Variants in RIPOR1 observed in about 807,000 individuals in gnomAD.
RIPOR1 encodes rho family-interacting cell polarization regulator 1.
In RIPOR1, 58 loss-of-function variants were observed where a neutral mutation model predicts 116.5. The observed-to-expected ratio is 0.50, with a 90% confidence interval of 0.40 to 0.62. The LOEUF (loss-of-function observed/expected upper bound fraction) is 0.62, where lower values mean the gene tolerates loss of function less well. RIPOR1 is among the 20% of genes least tolerant of loss of function. The pLI is 0.00. For synonymous variants in RIPOR1, 605 were observed against 650.0 expected, an observed-to-expected ratio of 0.93 and a Z score of 1.05; for missense variants, 1,372 against 1,586.2, an observed-to-expected ratio of 0.86 and a Z score of 2.29.
In RIPOR1 at chr16:67,544,949, C is replaced by A. The variant is rs760654886; in HGVS notation, c.2870-7C>A. On this transcript the variant is annotated splice_region_variant and splice_polypyrimidine_tract_variant and intron_variant, in intron 16 of 21. Transcript: ENST00000042381. The surrounding 1 kb of genome is among the most constrained non-coding windows in gnomAD (Gnocchi z 5.1). ...TGTTGCTGACGGTTTCCCTCACCCCCTCACAGTGGTGCAGTTCTCGGCCTC... is the reference window on the plus strand; with the variant it reads ...TGTTGCTGACGGTTTCCCTCACCCCATCACAGTGGTGCAGTTCTCGGCCTC... 3 of 1,611,356 alleles carry A rather than the reference C, an allele frequency of 1.9e-6. 1 individual carries two copies. In the South Asian group the frequency reaches 3.3e-5, roughly 18 times the overall value.
At chr16:67,521,805 G>A (rs540227681) in intron 1 of RIPOR1, among the ~76,000 whole-genome samples, 1 of 152,336 alleles carries the variant, frequency 6.6e-6, no homozygotes, top group South Asian at 2.1e-4. Flanking sequence ...CCTGGAGATG[G>A]CCCAATAAGT....
At chr16:67,532,663 A>G (rs567735414) in intron 1 of RIPOR1, among the ~76,000 whole-genome samples, 2 of 152,260 alleles carry the variant, frequency 1.3e-5, no homozygotes, top group Admixed American at 6.5e-5. Context: ...CTGAAGCCCA[A>G]AAGGCTGAAT....
chr16:67,526,589 A>C (rs2050541738), upstream of RIPOR1, among the ~76,000 whole-genome samples: 2 of 152,218 alleles, frequency 1.3e-5, no homozygotes, highest in Non-Finnish European at 2.9e-5. Context: ...CATTCAACAA[A>C]TATTTCTTGA....
rs907315877 is a variant in RIPOR1 at position 67,543,828 on chromosome 16, G to A, written c.2600+359G>A. ...CTTTAAGGAGCTCTCTCAGTGTCTC[G>A]CCGTGCACCCTGGGACCCCAGCACT... is the stretch of plus-strand genomic sequence containing the variant. On this transcript the variant is annotated intron_variant, in intron 14 of 21. Coordinates refer to ENST00000042381, the MANE Select transcript of RIPOR1 (RefSeq NM_024519.4). The surrounding 1 kb of genome is among the most constrained non-coding windows in gnomAD (Gnocchi z 4.7). 7.8e-6 allele frequency: 3 copies of A among 382,822 alleles called. No individual in the cohort carries two copies. The highest frequency in any genetic ancestry group is 2.1e-5 in the African/African-American group (1 of 48,564). 23.7% of individuals were successfully genotyped at this position (382,822 alleles called of 1,614,324 possible).
chr16:67,528,998 C>G, intron 1 of RIPOR1, 84 bp downstream of exon 1: 1 of 167,406 alleles, frequency 6.0e-6, no homozygotes, highest in South Asian at 1.0e-4. Flanking sequence ...CCGGCGCCGC[C>G]CGGTGGGTCC....
chr16:67,534,874 G>A (rs1359581130), intron 1 of RIPOR1, among the ~76,000 whole-genome samples: 3 of 105,580 alleles, frequency 2.8e-5, no homozygotes, highest in African/African-American at 7.5e-5. Flanking sequence ...ACAGACTCCC[G>A]CTCTGTCACC....
upstream of RIPOR1, among the ~76,000 whole-genome samples, chr16:67,524,992 G>A (rs773158246): frequency 5.9e-5 from 9 of 152,306 alleles, no homozygotes; most frequent in Admixed American, 3.3e-4. Context: ...CTCCCCAGCC[G>A]GCCCCAAGGC....
chr16:67,538,511 C>A lies in RIPOR1; in HGVS notation c.65C>A (p.Ser22Tyr). ...AGCGCCCGGGTCAATAGGAGCCAGT[C>A]CTTCGCAGGCGTCCTCGGCAGCCAC... ...LLSARVNRSQ[S>Y]FAGVLGSHER... Residue 22 changes from serine to tyrosine, a missense_variant, in exon 2 of 22, where the codon TCC becomes TAC. Coordinates refer to ENST00000042381, the MANE Select transcript of RIPOR1 (RefSeq NM_024519.4). The A allele has an allele frequency of 6.2e-7, 1 of 1,612,140 alleles. No individual in the cohort carries two copies. The highest frequency in any genetic ancestry group is 2.2e-5 in the East Asian group (1 of 44,838).
rs992267339 is a variant in RIPOR1 at position 67,537,899 on chromosome 16, G to T, written c.-23-525G>T. Among the ~76,000 whole-genome samples, 4 of 151,978 alleles carry T rather than the reference G, an allele frequency of 2.6e-5. No homozygotes were observed. Among genetic ancestry groups the T allele is most frequent in the African/African-American group, 7.2e-5 (3 of 41,412 alleles). On this transcript the variant is annotated intron_variant, in intron 1 of 21. Transcript: ENST00000042381. The surrounding 1 kb of genome is among the most constrained non-coding windows in gnomAD (Gnocchi z 4.6). ...GGGGCAGCAGGTCACGCTGGCAGGC[G>T]GGGGGCGGGCGACAAACCCGCACCG... is the stretch of plus-strand genomic sequence containing the variant.
intron 1 of RIPOR1, among the ~76,000 whole-genome samples, chr16:67,535,908 CAT>C (rs978133086): frequency 5.3e-5 from 8 of 152,232 alleles, no homozygotes; most frequent in Middle Eastern, 3.4e-3. Flanking sequence ...GGGAGAATAA[CAT>C]ATCTCAAACT....
In RIPOR1 at chr16:67,545,779, C is replaced by G; in HGVS notation, c.3306C>G (p.Leu1102=). 1 of 1,612,836 alleles carries G rather than the reference C, an allele frequency of 6.2e-7. No individual in the cohort carries two copies. The highest frequency in any genetic ancestry group is 8.5e-7 in the Non-Finnish European group (1 of 1,179,480). ...GGCTGCGGGCCCTCAGCTCCCTGCT[C>G]GTCCATGGCAACAACAAGGTCATGG... The part of the protein sequence containing the change: ...RDGLRALSSL[L]VHGNNKVMAA... Residue 1102 remains leucine, a synonymous_variant, in exon 19 of 22, where the codon CTC becomes CTG. Coordinates refer to ENST00000042381, the MANE Select transcript of RIPOR1 (RefSeq NM_024519.4). This position sits in a 1 kb window ranked among gnomAD's most constrained non-coding sequence, Gnocchi z 4.8.
rs780324728 is a variant in RIPOR1 at position 67,540,333 on chromosome 16, C to G, written c.601C>G (p.Gln201Glu). The change falls in exon 8 of 22, where the codon CAG (glutamine) becomes GAG (glutamate). Residue 201 changes from glutamine (Q) to glutamate (E), a missense_variant. Physicochemically the swap from Gln to Glu is conservative, Grantham distance 29 (BLOSUM62 2). Around this residue, in one of 3 missense-constraint regions of RIPOR1, gnomAD observed 202 missense variants for 295.9 expected, o/e 0.68. Transcript: ENST00000042381. This position sits in a 1 kb window ranked among gnomAD's most constrained non-coding sequence, Gnocchi z 4.7. ...MCLLESELEA[Q>E]LGEFHLRMKG... ...TCTGCTGGAGAGCGAGCTGGAGGCACAGCTGGGCGAGTTTCATCTCCGAAT... is the reference window on the plus strand; with the variant it reads ...TCTGCTGGAGAGCGAGCTGGAGGCAGAGCTGGGCGAGTTTCATCTCCGAAT... 3 of 1,614,160 alleles carry G rather than the reference C, an allele frequency of 1.9e-6. No homozygotes were observed. The South Asian group carries it at 3.3e-5, about 18-fold the overall frequency.
At chr16:67,532,994 A>G (rs2142450209) in intron 1 of RIPOR1, among the ~76,000 whole-genome samples, 1 of 152,196 alleles carries the variant, frequency 6.6e-6, no homozygotes, top group South Asian at 2.1e-4. Flanking sequence ...TTGGACCTGA[A>G]TTCTGGCTAT....
Position 67,538,832 on chromosome 16 carries a change from G to A in RIPOR1, c.257+8G>A, listed in dbSNP as rs761687448. 1 of 1,612,520 alleles carries A rather than the reference G, an allele frequency of 6.2e-7. No individual in the cohort carries two copies. Among genetic ancestry groups the A allele is most frequent in the Non-Finnish European group, 8.5e-7 (1 of 1,179,854 alleles). ...GCTGAAGCGGGGCCTGACGTGAGCAGCTCCTCTGTTCCCAGCCCTGTCCCG... is the reference window on the plus strand; with the variant it reads ...GCTGAAGCGGGGCCTGACGTGAGCAACTCCTCTGTTCCCAGCCCTGTCCCG... On this transcript the variant is annotated splice_region_variant and intron_variant, in intron 3 of 21. Transcript: ENST00000042381.
At chr16:67,520,088 ACT>A (rs1193100680) in intron 1 of RIPOR1, among the ~76,000 whole-genome samples, 8 of 124,360 alleles carry the variant, frequency 6.4e-5, no homozygotes, top group Non-Finnish European at 8.3e-5. Context: ...AAAAAAAAAG[ACT>A]CTGAGGGCCG....
In RIPOR1 at chr16:67,529,655, C is replaced by T. The variant is rs1033174326; in HGVS notation, c.-24+741C>T. The T allele has an allele frequency of 1.9e-6, 2 of 1,055,400 alleles. No individual in the cohort carries two copies. The highest frequency in any genetic ancestry group is 1.6e-5 in the African/African-American group (1 of 63,264). 65.4% of individuals were successfully genotyped at this position (1,055,400 alleles called of 1,614,324 possible). On this transcript the variant is annotated intron_variant, in intron 1 of 21. Coordinates refer to ENST00000042381, the MANE Select transcript of RIPOR1 (RefSeq NM_024519.4). The surrounding 1 kb of genome is among the most constrained non-coding windows in gnomAD (Gnocchi z 4.1). Reference sequence around the variant, plus strand: ...TCTCCAGGGTGAGCCCTGAGTCCGGCCTCCCCTACAGACCCTCCCCAGCCA... The same window carrying T: ...TCTCCAGGGTGAGCCCTGAGTCCGGTCTCCCCTACAGACCCTCCCCAGCCA...
chr16:67,533,571 G>C (rs2050716312), intron 1 of RIPOR1, among the ~76,000 whole-genome samples: 1 of 151,986 alleles, frequency 6.6e-6, no homozygotes, highest in Non-Finnish European at 1.5e-5. Context: ...GCTTTGCTGA[G>C]ATCAAGCAGG....
chr16:67,541,298 G>A lies in RIPOR1; in HGVS notation c.802-132G>A. On this transcript the variant is annotated intron_variant, in intron 10 of 21. Transcript: ENST00000042381. The surrounding 1 kb of genome is among the most constrained non-coding windows in gnomAD (Gnocchi z 4.6). ...TTGCCCAAGCTGGTCTTGAACTCCT[G>A]GCCTTAAGTGATCCTCCTGCCTCAG... The A allele has an allele frequency of 1.1e-6, 1 of 905,758 alleles. No individual in the cohort carries two copies. Among genetic ancestry groups the A allele is most frequent in the Non-Finnish European group, 1.7e-6 (1 of 601,618 alleles). 56.1% of individuals were successfully genotyped at this position (905,758 alleles called of 1,614,324 possible). A position where few individuals can be genotyped will look rare whatever the true frequency, so the allele number is the denominator to read the frequency against.
chr16:67,533,804 CTTTT>C (rs11410499), intron 1 of RIPOR1, among the ~76,000 whole-genome samples: 3 of 121,292 alleles, frequency 2.5e-5, no homozygotes, highest in Non-Finnish European at 3.5e-5. Flanking sequence ...CACAAGCAGT[CTTTT>C]TTTTTTTTTT....
Sources: allele counts gnomAD v4.1 joint callset (sites outside exome capture counted in the v4.1 genomes callset), GRCh38; gene constraint gnomAD v4.1.1; regional missense constraint gnomAD v4.1.1; non-coding constraint Gnocchi (gnomAD v3.1); transcripts MANE v1.5; gene names NCBI Gene and HGNC (gene_info 2026-07-23, HGNC 2026-07-21).